The following MSRA variants were observed in gnomAD, a reference collection of about 807,000 sequenced individuals.
MSRA encodes the protein mitochondrial peptide methionine sulfoxide reductase.
A neutral mutation model predicts 31.3 loss-of-function variants in MSRA; 54 were observed. The ratio of observed to expected loss-of-function variants is 1.73; its 90% confidence interval spans 1.39 to 2.17. The LOEUF (loss-of-function observed/expected upper bound fraction) is 2.17, where lower values mean the gene tolerates loss of function less well. MSRA is among the 30% of genes most tolerant of loss of function. The pLI is 0.00. For synonymous variants in MSRA, 169 were observed against 116.5 expected (o/e 1.45, Z -2.90); for missense variants, 507 against 300.9 (o/e 1.69, Z -5.07).
chr8:10,171,935 T>G (rs1313112840), intron 1 of MSRA, among the ~76,000 whole-genome samples: 1 of 152,264 alleles, frequency 6.6e-6, no homozygotes, highest in African/African-American at 2.4e-5. Flanking sequence ...ATGCACTATG[T>G]GAAGTCTGAA....
At chr8:10,163,485 C>T in intron 1 of MSRA, among the ~76,000 whole-genome samples, 1 of 152,208 alleles carries the variant, frequency 6.6e-6, no homozygotes, top group Non-Finnish European at 1.5e-5. Flanking sequence ...CCGTTCCTCA[C>T]TGACATCAGC....
chr8:10,190,569 G>A (rs543134544), intron 1 of MSRA, among the ~76,000 whole-genome samples: 8 of 152,218 alleles, frequency 5.3e-5, no homozygotes, highest in Non-Finnish European at 5.9e-5. Flanking sequence ...CAAGACATCT[G>A]AGTCCTTTCA....
intron 5 of MSRA, among the ~76,000 whole-genome samples, chr8:10,373,521 G>A (rs1240501952): frequency 6.6e-6 from 1 of 152,272 alleles, no homozygotes; most frequent in Non-Finnish European, 1.5e-5. Flanking sequence ...ACAGGCATGA[G>A]CTACCTTGCC....
chr8:10,068,759 CT>C (rs1194085741), intron 1 of MSRA, among the ~76,000 whole-genome samples: 4 of 152,088 alleles, frequency 2.6e-5, no homozygotes, highest in Non-Finnish European at 4.4e-5. Flanking sequence ...GTTAGCTATT[CT>C]TTTTTTCCCC....
At chr8:10,170,482 T>A (rs1036772255) in intron 1 of MSRA, among the ~76,000 whole-genome samples, 1 of 152,154 alleles carries the variant, frequency 6.6e-6, no homozygotes, top group Non-Finnish European at 1.5e-5. Flanking sequence ...GCCTCCAGAA[T>A]TGTGAGGAAT....
chr8:10,311,541 A>G (rs1296313898), intron 4 of MSRA, among the ~76,000 whole-genome samples: 1 of 152,210 alleles, frequency 6.6e-6, no homozygotes, highest in Non-Finnish European at 1.5e-5. Context: ...GTATGTTTCA[A>G]AGGGATTAAA....
In MSRA at chr8:10,416,566, G is replaced by A. The variant is rs972912557; in HGVS notation, c.544-11582G>A. Reference sequence around the variant, plus strand: ...GACGCTTCCGCTAGTGCTTTATAGCGTCTGCCTGGAGACCACCCATGTGAC... The same window carrying A: ...GACGCTTCCGCTAGTGCTTTATAGCATCTGCCTGGAGACCACCCATGTGAC... On this transcript the variant is annotated intron_variant, in intron 5 of 5. Coordinates refer to ENST00000317173, the MANE Select transcript of MSRA (RefSeq NM_012331.5). 5.9e-5 allele frequency among the ~76,000 whole-genome samples: 9 copies of A among 152,216 alleles called. No homozygotes were observed. The South Asian group carries it at 1.5e-3, about 25-fold the overall frequency.
chr8:10,110,461 G>T (rs1452846095), intron 1 of MSRA, among the ~76,000 whole-genome samples: 2 of 152,142 alleles, frequency 1.3e-5, no homozygotes, highest in African/African-American at 2.4e-5. Flanking sequence ...GCTGGAAGTG[G>T]GGTGCATGAT....
intron 5 of MSRA, among the ~76,000 whole-genome samples, chr8:10,332,242 C>T (rs1802744580): frequency 6.6e-6 from 1 of 152,206 alleles, no homozygotes. Context: ...TTTTCACCAA[C>T]ACTGAAACAT....
intron 1 of MSRA, among the ~76,000 whole-genome samples, chr8:10,154,458 A>G (rs1310480637): frequency 1.3e-5 from 2 of 152,008 alleles, no homozygotes; most frequent in Non-Finnish European, 2.9e-5. Context: ...GCTCACTGCA[A>G]GCTCTGCCTT....
chr8:10,237,621 T>G (rs1812055283), intron 2 of MSRA, among the ~76,000 whole-genome samples: 2 of 152,208 alleles, frequency 1.3e-5, no homozygotes, highest in Non-Finnish European at 2.9e-5. Flanking sequence ...CTACTAGGTA[T>G]TTTGACTCAT....
chr8:10,323,628 C>G lies in MSRA; in HGVS notation c.543+3639C>G, dbSNP rs1443322804. ...AGGTATTATATAATTAATTAATGAG[C>G]TGCTATAATTATCCTTTCATTATTT... On this transcript the variant is annotated intron_variant, in intron 5 of 5. Coordinates refer to ENST00000317173, the MANE Select transcript of MSRA (RefSeq NM_012331.5). Among the ~76,000 whole-genome samples the G allele has an allele frequency of 2.6e-5, 4 of 152,186 alleles. No homozygotes were observed. The East Asian group carries it at 7.7e-4, about 29-fold the overall frequency.
chr8:10,255,945 C>T (rs901441087), intron 3 of MSRA, among the ~76,000 whole-genome samples: 3 of 152,104 alleles, frequency 2.0e-5, no homozygotes, highest in African/African-American at 7.2e-5. Context: ...CTATCAACAT[C>T]CCCACCTGAG....
chr8:10,269,672 A>T (rs959898949), intron 3 of MSRA, among the ~76,000 whole-genome samples: 4 of 151,532 alleles, frequency 2.6e-5, no homozygotes, highest in Non-Finnish European at 4.4e-5. Flanking sequence ...GTTTTTTGAG[A>T]CAGAGTCTGG....
intron 3 of MSRA, among the ~76,000 whole-genome samples, chr8:10,251,676 A>G (rs1010637333): frequency 2.0e-5 from 3 of 152,110 alleles, no homozygotes; most frequent in Non-Finnish European, 1.5e-5. Context: ...TCACCCAACC[A>G]TCTTCCCCAC....
At chr8:10,211,646 G>T (rs1425077610) in intron 2 of MSRA, among the ~76,000 whole-genome samples, 1 of 152,100 alleles carries the variant, frequency 6.6e-6, no homozygotes, top group African/African-American at 2.4e-5. Flanking sequence ...GCATCATTGT[G>T]CTCCTTTATA....
chr8:10,212,660 A>G (rs1809607964), intron 2 of MSRA, among the ~76,000 whole-genome samples: 1 of 152,236 alleles, frequency 6.6e-6, no homozygotes, highest in East Asian at 1.9e-4. Context: ...TTACAGTTGC[A>G]GTTTTAATAT....
chr8:10,398,098 G>T (rs1325399763), intron 5 of MSRA, among the ~76,000 whole-genome samples: 1 of 152,186 alleles, frequency 6.6e-6, no homozygotes, highest in African/African-American at 2.4e-5. Flanking sequence ...TAAAATTTGG[G>T]ACCCCACTAT....
intron 1 of MSRA, among the ~76,000 whole-genome samples, chr8:10,109,896 G>C (rs748035210): frequency 7.9e-5 from 12 of 152,188 alleles, no homozygotes; most frequent in Non-Finnish European, 1.2e-4. Context: ...TAGGCTCTGG[G>C]TTTTAACACC....
Sources: allele counts gnomAD v4.1 joint callset (sites outside exome capture counted in the v4.1 genomes callset), GRCh38; gene constraint gnomAD v4.1.1; transcripts MANE v1.5; gene names NCBI Gene and HGNC (gene_info 2026-07-23, HGNC 2026-07-21).